PTPN4: variants seen among roughly 807,000 people sequenced by gnomAD.
PTPN4 encodes protein tyrosine phosphatase non-receptor type 4, also known as tyrosine-protein phosphatase non-receptor type 4.
PTPN4 carries 49 observed loss-of-function variants against 135.5 expected under a neutral mutation model. The ratio of observed to expected loss-of-function variants is 0.36; its 90% CI spans 0.29 to 0.46. The LOEUF (loss-of-function observed/expected upper bound fraction) is 0.46. Among genes scored for constraint, PTPN4 ranks in the 20% least tolerant of loss-of-function variants. The probability of loss-of-function intolerance (pLI) is 1.00; values close to 1 mark genes in which losing one functional copy is unlikely to be tolerated. For missense variants in PTPN4, 860 were observed against 1,101.0 expected, an observed-to-expected ratio of 0.78 and a Z score of 3.10; for synonymous variants, 333 against 369.9, an observed-to-expected ratio of 0.90 and a Z score of 1.14.
rs1482305195 is a variant in PTPN4 at position 119,852,935 on chromosome 2, CCTAT to C, written c.139-9598_139-9595del. On this transcript the variant is annotated intron_variant, in intron 2 of 26. Transcript: ENST00000263708. ...GAAGTTGTTTAATTTCCAAATTTTT[CCTAT>C]CTTTCTCTCACTGTGTTCTATTTTG... 3.3e-5 allele frequency among the ~76,000 whole-genome samples: 5 copies of C among 151,726 alleles called. No homozygotes were observed. In the East Asian group the frequency reaches 5.8e-4, roughly 18 times the overall value.
At position 119,945,172 on chromosome 2, in the gene PTPN4, T is replaced by C. The variant is rs750623766; in HGVS notation, c.1447T>C (p.Ser483Pro). The C allele has an allele frequency of 1.2e-5, 19 of 1,597,718 alleles. No individual in the cohort carries two copies. The highest frequency in any genetic ancestry group is 1.7e-6 in the Non-Finnish European group (2 of 1,173,226). The change falls in exon 16 of 27, where the codon TCG (serine) becomes CCG (proline). Residue 483 changes from serine (S) to proline (P), a missense_variant. Ser to Pro is a moderately conservative substitution (Grantham distance 74, BLOSUM62 -1). Transcript: ENST00000263708. ...NSWNQIHYSH[S>P]QQDLESHINE... ...TTGGAACCAAATTCATTATTCACAT[T>C]CGCAACAAGATCTAGAAAGTCATAT...
Position 119,892,193 on chromosome 2 carries a change from T to C in PTPN4, c.675+6311T>C, listed in dbSNP as rs896804097. Among the ~76,000 whole-genome samples, 4 of 152,338 alleles carry C rather than the reference T, an allele frequency of 2.6e-5. 1 individual carries two copies. In the South Asian group the frequency reaches 8.3e-4, roughly 32 times the overall value. ...GTAACTAGCAAAATACCAGCCTATA[T>C]TGATAGAAGTCAGAATAGCAGTCAG... On this transcript the variant is annotated intron_variant, in intron 9 of 26. Coordinates refer to ENST00000263708, the MANE Select transcript of PTPN4 (RefSeq NM_002830.4).
intron 1 of PTPN4, among the ~76,000 whole-genome samples, chr2:119,805,449 T>C (rs1574343388): frequency 1.3e-5 from 2 of 152,230 alleles, no homozygotes; most frequent in Admixed American, 1.3e-4. Context: ...CTTTAATCCA[T>C]CTTGAATTAA....
Position 119,981,707 on chromosome 2 carries a change from T to C in PTPN4, c.*4637T>C, listed in dbSNP as rs1558782234. 1.3e-5 allele frequency: 2 copies of C among 152,126 alleles called. No homozygotes were observed. Among genetic ancestry groups the C allele is most frequent in the East Asian group, 1.9e-4 (1 of 5,204 alleles). 9.4% of individuals were successfully genotyped at this position (152,126 alleles called of 1,614,324 possible). A position where few individuals can be genotyped will look rare whatever the true frequency, so the allele number is the denominator to read the frequency against. On this transcript the variant is annotated 3_prime_UTR_variant, in exon 27 of 27. Coordinates refer to ENST00000263708, the MANE Select transcript of PTPN4 (RefSeq NM_002830.4). ...GTCTGCAACCATTATATAGACTTCA[T>C]TGATACTCAGCAATTACTACAGTGT...
chr2:119,932,442 G>A lies in PTPN4; in HGVS notation c.1089G>A (p.Leu363=). 1 of 1,608,684 alleles carries A rather than the reference G, an allele frequency of 6.2e-7. No homozygotes were observed. Among genetic ancestry groups the A allele is most frequent in the Non-Finnish European group, 8.5e-7 (1 of 1,176,962 alleles). ...RVFARSPSKP[L]ARKLMDWEVV... is the part of the protein sequence containing the mutation. ...TCTGCAGATCCCCAAGTAAGCCCTTGGCACGGAAATTAATGGATTGGGAAG... is the reference window on the plus strand; with the variant it reads ...TCTGCAGATCCCCAAGTAAGCCCTTAGCACGGAAATTAATGGATTGGGAAG... The change falls in exon 14 of 27, where the codon TTG becomes TTA. Residue 363 remains leucine, a synonymous_variant. Transcript: ENST00000263708.
chr2:119,823,780 G>A (rs1206262877), intron 2 of PTPN4, among the ~76,000 whole-genome samples: 3 of 152,168 alleles, frequency 2.0e-5, no homozygotes, highest in Non-Finnish European at 4.4e-5. Context: ...CTTTATGAGT[G>A]CCGTTTTCTT....
chr2:119,827,559 A>G (rs945126488), intron 2 of PTPN4, among the ~76,000 whole-genome samples: 2 of 152,200 alleles, frequency 1.3e-5, no homozygotes, highest in African/African-American at 2.4e-5. Flanking sequence ...CAAGTATAGC[A>G]TATATACAAT....
At chr2:119,824,285 G>A (rs1029264138) in intron 2 of PTPN4, among the ~76,000 whole-genome samples, 1 of 152,120 alleles carries the variant, frequency 6.6e-6, no homozygotes, top group Non-Finnish European at 1.5e-5. Context: ...CTTTTTGGGG[G>A]GGAGGCAGGG....
intron 20 of PTPN4, among the ~76,000 whole-genome samples, chr2:119,956,503 T>C (rs78787070): frequency 0.03 from 4,584 of 152,274 alleles, 226 homozygotes; most frequent in African/African-American, 0.1. Context: ...TGTTCAAAAG[T>C]TCTTAGTTCA....
intron 1 of PTPN4, among the ~76,000 whole-genome samples, chr2:119,792,970 CA>C (rs1335322366): frequency 6.6e-6 from 1 of 152,176 alleles, no homozygotes; most frequent in Non-Finnish European, 1.5e-5. Context: ...GGCAAGGTCA[CA>C]AGGCCAGGGT....
At chr2:119,882,945 C>T (rs975207680) in intron 8 of PTPN4, among the ~76,000 whole-genome samples, 8 of 152,078 alleles carry the variant, frequency 5.3e-5, no homozygotes, top group Admixed American at 4.6e-4. Context: ...AATTCTTTCT[C>T]AGTTTTTAGG....
intron 11 of PTPN4, chr2:119,915,516 G>T: frequency 4.6e-6 from 1 of 218,806 alleles, no homozygotes; most frequent in Non-Finnish European, 8.9e-6. Flanking sequence ...AAAACCTCAG[G>T]GTCCATTTTT....
intron 10 of PTPN4, among the ~76,000 whole-genome samples, chr2:119,912,729 TATGTACCATAA>T (rs1678592205): frequency 6.6e-6 from 1 of 152,182 alleles, no homozygotes; most frequent in South Asian, 2.1e-4. Context: ...TGATATAATC[TATGTACCATAA>T]ATTTGCCTAT....
intron 3 of PTPN4, among the ~76,000 whole-genome samples, chr2:119,877,113 CTTAATA>C (rs1230005757): frequency 2.0e-5 from 3 of 152,048 alleles, no homozygotes; most frequent in South Asian, 2.1e-4. Flanking sequence ...AAATCAAAAT[CTTAATA>C]TTAACACATT....
At chr2:119,913,267 C>T (rs950248100) in intron 10 of PTPN4, among the ~76,000 whole-genome samples, 4 of 152,012 alleles carry the variant, frequency 2.6e-5, no homozygotes, top group Non-Finnish European at 4.4e-5. Context: ...TGTTTTCAAA[C>T]GTGGCTGCAT....
intron 1 of PTPN4, among the ~76,000 whole-genome samples, chr2:119,765,896 CT>C (rs1297632728): frequency 6.8e-6 from 1 of 147,616 alleles, no homozygotes; most frequent in Non-Finnish European, 1.5e-5. Flanking sequence ...GTGTGGTTGT[CT>C]GTTCCTGTGT....
intron 13 of PTPN4, among the ~76,000 whole-genome samples, chr2:119,927,471 G>T (rs1678843241): frequency 6.6e-6 from 1 of 152,120 alleles, no homozygotes; most frequent in African/African-American, 2.4e-5. Flanking sequence ...TTAGAAAATA[G>T]TATTATGAGC....
At chr2:119,885,125 A>G (rs1678136501) in intron 8 of PTPN4, among the ~76,000 whole-genome samples, 2 of 152,276 alleles carry the variant, frequency 1.3e-5, no homozygotes, top group South Asian at 2.1e-4. Context: ...TTCTTAAACC[A>G]TCTGTGATGA....
intron 2 of PTPN4, among the ~76,000 whole-genome samples, chr2:119,861,176 G>A (rs1677755169): frequency 1.3e-5 from 2 of 152,110 alleles, no homozygotes. Context: ...GCATGTAAAA[G>A]GGATAGAACT....
Sources: gnomAD v4.1 joint callset for allele counts (sites outside exome capture counted in the v4.1 genomes callset) on GRCh38, gnomAD v4.1.1 for gene constraint, MANE v1.5 for transcripts, NCBI Gene and HGNC (gene_info 2026-07-23, HGNC 2026-07-21) for gene names.